Variants in ASMT observed in about 807,000 individuals in gnomAD.
The protein encoded by ASMT is acetylserotonin N-methyltransferase.
In ASMT, 53 loss-of-function variants were observed where a neutral mutation model predicts 41.3. That is an observed-to-expected ratio of 1.28 (90% CI 1.03 to 1.61). The LOEUF (loss-of-function observed/expected upper bound fraction) is 1.61, where lower values mean the gene tolerates loss of function less well. Ranked by LOEUF, ASMT falls within the 40% of genes most tolerant of loss-of-function variation. ASMT has a pLI of 0.00. For synonymous variants in ASMT, 231 were observed against 184.8 expected (o/e 1.25, Z -2.03); for missense variants, 531 against 441.3 (o/e 1.20, Z -1.82).
Position 1,627,687 on chromosome X carries a change from C to T in ASMT, c.375-16C>T, listed in dbSNP as rs777548494. Reference sequence around the variant, plus strand: ...ATGAAATGAAATGAAAATCAGCCTTCTCTCTCTTTTCTTAGAGAAGGAAGG... The same window carrying T: ...ATGAAATGAAATGAAAATCAGCCTTTTCTCTCTTTTCTTAGAGAAGGAAGG... On this transcript the variant is annotated splice_polypyrimidine_tract_variant and intron_variant, in intron 3 of 8. Transcript: ENST00000381241. 6 of 1,598,596 alleles carry T rather than the reference C, an allele frequency of 3.8e-6. No homozygotes were observed. Among genetic ancestry groups the T allele is most frequent in the Non-Finnish European group, 5.1e-6 (6 of 1,166,366 alleles).
chrX:1,625,083 CTTTGTT>C (rs1463245969), intron 3 of ASMT, among the ~76,000 whole-genome samples: 2 of 149,396 alleles, frequency 1.3e-5, no homozygotes, highest in African/African-American at 4.9e-5. Context: ...GTTTCTTTTT[CTTTGTT>C]TTTTCTTTTC....
chrX:1,628,741 C>T lies in ASMT; in HGVS notation c.443+970C>T, dbSNP rs1203845623. 2.6e-5 allele frequency among the ~76,000 whole-genome samples: 4 copies of T among 151,068 alleles called. No individual in the cohort carries two copies. In the East Asian group the frequency reaches 7.8e-4, roughly 29 times the overall value. Reference sequence around the variant, plus strand: ...CCCTCCTCTCTCCCATCTTCCCTCTCTTGTCTCCTCTCTCTTCTTCCCTCT... The same window carrying T: ...CCCTCCTCTCTCCCATCTTCCCTCTTTTGTCTCCTCTCTCTTCTTCCCTCT... On this transcript the variant is annotated intron_variant, in intron 4 of 8. Coordinates refer to ENST00000381241, the MANE Select transcript of ASMT (RefSeq NM_001171038.2).
chrX:1,641,793 A>G (rs1935184051), intron 8 of ASMT, among the ~76,000 whole-genome samples: 1 of 147,538 alleles, frequency 6.8e-6, no homozygotes, highest in Non-Finnish European at 1.5e-5. Context: ...ACAGTGTTCC[A>G]GCTCTCCTGT....
At chrX:1,636,230 T>G (rs1263184307) in intron 7 of ASMT, 29 of 705,446 alleles carry the variant, frequency 4.1e-5, no homozygotes, top group African/African-American at 3.5e-4. Context: ...GTGCTAGGAT[T>G]ACAGGCGTGA....
intron 1 of ASMT, among the ~76,000 whole-genome samples, chrX:1,619,255 G>A (rs772196801): frequency 5.5e-4 from 84 of 151,946 alleles, no homozygotes; most frequent in Non-Finnish European, 1.0e-3. Context: ...TTACCTGGGC[G>A]TGGTGGCGGG....
chrX:1,615,139 C>G lies in ASMT; in HGVS notation c.-61C>G, dbSNP rs1934029363. 4 of 1,496,724 alleles carry G rather than the reference C, an allele frequency of 2.7e-6. No individual in the cohort carries two copies. The highest frequency in any genetic ancestry group is 2.5e-5 in the East Asian group (1 of 40,812). 92.7% of individuals were successfully genotyped at this position (1,496,724 alleles called of 1,614,324 possible). A position where few individuals can be genotyped will look rare whatever the true frequency, so the allele number is the denominator to read the frequency against. ...CTCTTCCCCACCTTGCCAGCAGGCTCTGTGCTCCTTGAAGCAAGCGCTCCA... is the reference window on the plus strand; with the variant it reads ...CTCTTCCCCACCTTGCCAGCAGGCTGTGTGCTCCTTGAAGCAAGCGCTCCA... On this transcript the variant is annotated 5_prime_UTR_variant, in exon 1 of 9. Coordinates refer to ENST00000381241, the MANE Select transcript of ASMT (RefSeq NM_001171038.2).
intron 7 of ASMT, 24 bp from the exon 8 acceptor site, chrX:1,636,414 C>A (rs376982012): frequency 2.2e-5 from 36 of 1,613,766 alleles, no homozygotes; most frequent in South Asian, 4.4e-5. Flanking sequence ...AGGCTGACCT[C>A]GGTGTGCCTG....
intron 8 of ASMT, among the ~76,000 whole-genome samples, chrX:1,642,481 G>A (rs1356265645): frequency 1.3e-5 from 2 of 149,860 alleles, no homozygotes; most frequent in Non-Finnish European, 3.0e-5. Context: ...CGATCCTGAT[G>A]GCCCATGAGG....
chrX:1,617,598 G>A (rs1243861891), intron 1 of ASMT, among the ~76,000 whole-genome samples: 3 of 151,838 alleles, frequency 2.0e-5, no homozygotes, highest in Middle Eastern at 3.4e-3. Flanking sequence ...GCAAGCCACC[G>A]GTTTTTTTTG....
rs779849302 is a variant in ASMT at position 1,636,527 on chromosome X, C to G, written c.877C>G (p.Leu293Val). 1.4e-5 allele frequency: 23 copies of G among 1,613,704 alleles called. No homozygotes were observed. Among genetic ancestry groups the G allele is most frequent in the Non-Finnish European group, 1.8e-5 (21 of 1,179,866 alleles). ...CTGGGCAGACGGAAAGTGCTCACAC[C>G]TGCTGGAGAGGATCTACCACACTTG... ...HDWADGKCSH[L>V]LERIYHTCKP... is the part of the protein sequence containing the mutation. Residue 293 changes from leucine (L) to valine (V), a missense_variant, in exon 8 of 9, where the codon CTG becomes GTG. Coordinates refer to ENST00000381241, the MANE Select transcript of ASMT (RefSeq NM_001171038.2).
rs765371817 is a variant in ASMT at position 1,637,095 on chromosome X, G to A, written c.910+535G>A. ...AGCCTCTGTGTGTGAGATAAGGACT[G>A]TGTCCCAGCTCTCCTGTGAGGTCCA... is the stretch of plus-strand genomic sequence containing the variant. On this transcript the variant is annotated intron_variant, in intron 8 of 8. Coordinates refer to ENST00000381241, the MANE Select transcript of ASMT (RefSeq NM_001171038.2). Among the ~76,000 whole-genome samples the A allele has an allele frequency of 7.7e-3, 765 of 99,624 alleles. 3 individuals are homozygous for A. The highest frequency in any genetic ancestry group is 0.018 in the East Asian group (60 of 3,428). 65.4% of individuals were successfully genotyped at this position (99,624 alleles called of 152,430 possible).
intron 1 of ASMT, 21 bp downstream of exon 1, chrX:1,615,289 C>G: frequency 6.3e-7 from 1 of 1,577,324 alleles, no homozygotes; most frequent in Non-Finnish European, 8.6e-7. Context: ...CTCTGTGGGA[C>G]AAGGGGGAAT....
At chrX:1,615,777 G>A (rs1411403966) in intron 1 of ASMT, among the ~76,000 whole-genome samples, 3 of 151,730 alleles carry the variant, frequency 2.0e-5, no homozygotes, top group Non-Finnish European at 2.9e-5. Context: ...ACTCCCGCCT[G>A]GGGGACACAG....
chrX:1,619,186 G>A (rs1934244968), intron 1 of ASMT, among the ~76,000 whole-genome samples: 1 of 152,034 alleles, frequency 6.6e-6, no homozygotes, highest in South Asian at 2.1e-4. Flanking sequence ...ACAAGGTCAG[G>A]AGTTCGAGAC....
At position 1,633,173 on chromosome X, in the gene ASMT, G is replaced by A. The variant is rs1196579460; in HGVS notation, c.670G>A (p.Glu224Lys). The change falls in exon 7 of 9, where the codon GAA (glutamate) becomes AAA (lysine). Residue 224 changes from glutamate (E) to lysine (K), a missense_variant. Glu to Lys is a moderately conservative substitution (Grantham distance 56). Coordinates refer to ENST00000381241, the MANE Select transcript of ASMT (RefSeq NM_001171038.2). ...LIGGAGALAKECMSLYPGCKI... is the reference protein window; with the variant it reads ...LIGGAGALAKKCMSLYPGCKI... ...AGGTGGGGCTGGAGCTCTGGCTAAG[G>A]AATGCATGTCTCTGTACCCTGGATG... 1.2e-6 allele frequency: 2 copies of A among 1,613,750 alleles called. No individual in the cohort carries two copies. Among genetic ancestry groups the A allele is most frequent in the Non-Finnish European group, 1.7e-6 (2 of 1,179,866 alleles).
At chrX:1,637,035 C>G (rs1935008007) in intron 8 of ASMT, among the ~76,000 whole-genome samples, 1 of 100,764 alleles carries the variant, frequency 9.9e-6, no homozygotes, top group South Asian at 3.2e-4. Flanking sequence ...CCTGTGAGGT[C>G]CATCCATCCT....
intron 3 of ASMT, among the ~76,000 whole-genome samples, chrX:1,626,210 T>C (rs1304528222): frequency 4.0e-5 from 6 of 150,390 alleles, no homozygotes; most frequent in Middle Eastern, 3.4e-3. Context: ...GAGAACATGT[T>C]TGGGGCTAAA....
intron 4 of ASMT, among the ~76,000 whole-genome samples, chrX:1,628,713 T>C (rs1383904602): frequency 3.3e-5 from 5 of 150,138 alleles, no homozygotes. Context: ...CTCTCCATCT[T>C]CCCCCTCCTC....
chrX:1,619,507 A>C (rs1934259104), intron 1 of ASMT, among the ~76,000 whole-genome samples: 1 of 149,538 alleles, frequency 6.7e-6, no homozygotes, highest in South Asian at 2.1e-4. Flanking sequence ...ATACCTGTGC[A>C]ACAAACCTGC....
Sources: allele counts gnomAD v4.1 joint callset (sites outside exome capture counted in the v4.1 genomes callset), GRCh38; gene constraint gnomAD v4.1.1; transcripts MANE v1.5; gene names NCBI Gene and HGNC (gene_info 2026-07-23, HGNC 2026-07-21).